Variants in AGBL2 observed in about 807,000 individuals in gnomAD.
AGBL2 encodes the protein cytosolic carboxypeptidase 2.
AGBL2 carries 87 observed loss-of-function variants against 103.0 expected under a neutral mutation model. The ratio of observed to expected loss-of-function variants is 0.84; its 90% CI spans 0.71 to 1.01. The LOEUF (loss-of-function observed/expected upper bound fraction) is 1.01. Ranked by LOEUF, AGBL2 falls within the 50% of genes least tolerant of loss-of-function variation. The pLI is 0.00. For missense variants in AGBL2, 904 were observed against 1,023.5 expected (o/e 0.88, Z 1.59); for synonymous variants, 335 against 356.7 (o/e 0.94, Z 0.69).
chr11:47,702,585 G>A (rs2097503187), intron 7 of AGBL2, among the ~76,000 whole-genome samples: 1 of 152,104 alleles, frequency 6.6e-6, no homozygotes, highest in African/African-American at 2.4e-5. Context: ...CAGAAAATGA[G>A]GAACATCCAG....
intron 18 of AGBL2, among the ~76,000 whole-genome samples, chr11:47,661,211 G>T (rs79656183): frequency 0.022 from 3,340 of 152,068 alleles, 40 homozygotes; most frequent in Middle Eastern, 0.034. Flanking sequence ...TAAAGGTTTG[G>T]ATAACATTCA....
At position 47,667,648 on chromosome 11, in the gene AGBL2, G is replaced by C; in HGVS notation, c.2263C>G (p.Gln755Glu). 2 of 1,613,334 alleles carry C rather than the reference G, an allele frequency of 1.2e-6. No individual in the cohort carries two copies. Among genetic ancestry groups the C allele is most frequent in the Non-Finnish European group, 1.7e-6 (2 of 1,179,778 alleles). The stretch of plus-strand genomic sequence containing the variant: ...TGCTCATTTCGCTGTTTCCTAGTCT[G>C]AAGTGACTTCTTTTTTTTCTTCTTA... ...MFKKKKKKSL[Q>E]TRKQRNEQYQ... The change falls in exon 16 of 19, where the codon CAG (glutamine) becomes GAG (glutamate). Residue 755 changes from glutamine (Q) to glutamate (E), a missense_variant. Gln to Glu is a conservative substitution (Grantham distance 29). Transcript: ENST00000525123.
At chr11:47,683,546 G>A (rs941959483) in intron 11 of AGBL2, among the ~76,000 whole-genome samples, 6 of 150,782 alleles carry the variant, frequency 4.0e-5, no homozygotes, top group African/African-American at 7.3e-5. Context: ...CGAGGTGGGT[G>A]GATCATGAGG....
At chr11:47,713,502 G>T (rs1189277502) in intron 3 of AGBL2, among the ~76,000 whole-genome samples, 1 of 150,806 alleles carries the variant, frequency 6.6e-6, no homozygotes, top group Non-Finnish European at 1.5e-5. Context: ...TCCAGCCTGG[G>T]CGACAGGGTG....
At chr11:47,692,404 CTTTTTTTT>C (rs11286504) in intron 8 of AGBL2, 148 bp from the exon 9 acceptor site, 33 of 99,088 alleles carry the variant, frequency 3.3e-4, no homozygotes, top group Middle Eastern at 5.7e-3. Flanking sequence ...GACTTTTAAT[CTTTTTTTT>C]TTTTTTTTTT....
intron 8 of AGBL2, among the ~76,000 whole-genome samples, chr11:47,698,170 T>TTA (rs1316508956): frequency 7.3e-6 from 1 of 136,512 alleles, no homozygotes; most frequent in African/African-American, 2.8e-5. Flanking sequence ...TCTACATAAT[T>TTA]TTTTTTTTTT....
chr11:47,669,692 A>G (rs201871791), intron 14 of AGBL2, among the ~76,000 whole-genome samples: 3 of 149,758 alleles, frequency 2.0e-5, no homozygotes, highest in East Asian at 3.9e-4. Flanking sequence ...AAAAAAAAAA[A>G]GAAAAATTTT....
chr11:47,668,225 A>G (rs1422257698), intron 15 of AGBL2, among the ~76,000 whole-genome samples: 1 of 150,256 alleles, frequency 6.7e-6, no homozygotes, highest in Non-Finnish European at 1.5e-5. Flanking sequence ...AAAAAAAAAA[A>G]AGGCCCAGTG....
At chr11:47,714,816 T>G in intron 1 of AGBL2, 66 bp from the exon 2 acceptor site, 2 of 682,616 alleles carry the variant, frequency 2.9e-6, no homozygotes, top group Non-Finnish European at 5.2e-6. Flanking sequence ...CCCAGCTCCC[T>G]CTTGACTTCA....
At chr11:47,691,669 C>T (rs1365378210) in intron 9 of AGBL2, among the ~76,000 whole-genome samples, 80 of 128,066 alleles carry the variant, frequency 6.2e-4, no homozygotes, top group Middle Eastern at 5.0e-3. Context: ...GATCATGTCA[C>T]TGCACTCCAG....
chr11:47,707,590 C>T (rs887356025), intron 4 of AGBL2, among the ~76,000 whole-genome samples: 12 of 152,108 alleles, frequency 7.9e-5, no homozygotes, highest in Non-Finnish European at 2.9e-5. Flanking sequence ...CAGGTCCCTC[C>T]CACAACACGT....
intron 10 of AGBL2, among the ~76,000 whole-genome samples, chr11:47,687,160 A>T (rs1025003105): frequency 2.6e-5 from 4 of 151,266 alleles, no homozygotes; most frequent in East Asian, 1.9e-4. Flanking sequence ...TAAATAATAA[A>T]AAAAAATAAA....
intron 10 of AGBL2, among the ~76,000 whole-genome samples, chr11:47,686,396 G>A (rs1431812501): frequency 1.3e-5 from 2 of 150,472 alleles, no homozygotes; most frequent in African/African-American, 4.9e-5. Flanking sequence ...AGCCTCCTAA[G>A]TAGTTGGGAC....
At chr11:47,672,370 A>G (rs1161400069) in intron 14 of AGBL2, among the ~76,000 whole-genome samples, 2 of 151,846 alleles carry the variant, frequency 1.3e-5, no homozygotes, top group Non-Finnish European at 2.9e-5. Flanking sequence ...GTTGGAGTGC[A>G]GTAGTGCAAT....
chr11:47,697,214 G>A (rs1053499833), intron 8 of AGBL2, among the ~76,000 whole-genome samples: 1 of 150,766 alleles, frequency 6.6e-6, no homozygotes, highest in Non-Finnish European at 1.5e-5. Flanking sequence ...CAGGTATGAG[G>A]CACCACATCC....
Position 47,686,178 on chromosome 11 carries a change from G to A in AGBL2, c.1632-129C>T, listed in dbSNP as rs116467740. ...CTCCTAAGAAAATCTCAACTCCATT[G>A]GCCTTCAATGGACCCTATCTCCATT... On this transcript the variant is annotated intron_variant, in intron 10 of 18. Transcript: ENST00000525123. The A allele has an allele frequency of 1.0e-3, 882 of 874,110 alleles. 6 individuals are homozygous for A. In the African/African-American group the frequency reaches 0.014, roughly 14 times the overall value. 54.1% of individuals were successfully genotyped at this position (874,110 alleles called of 1,614,324 possible).
At chr11:47,664,887 T>TA (rs1197103951) in intron 17 of AGBL2, among the ~76,000 whole-genome samples, 7 of 139,498 alleles carry the variant, frequency 5.0e-5, no homozygotes, top group East Asian at 4.5e-4. Context: ...TTTTTTTTTT[T>TA]TTTTTTTAAT....
intron 10 of AGBL2, among the ~76,000 whole-genome samples, chr11:47,688,532 T>C (rs1276951378): frequency 6.6e-6 from 1 of 152,098 alleles, no homozygotes; most frequent in African/African-American, 2.4e-5. Flanking sequence ...ATGTTCACTT[T>C]CCCCATGATG....
intron 17 of AGBL2, among the ~76,000 whole-genome samples, chr11:47,665,999 A>T (rs1359845059): frequency 6.6e-6 from 1 of 151,674 alleles, no homozygotes; most frequent in Non-Finnish European, 1.5e-5. Flanking sequence ...ACAGAATGAG[A>T]CTCTGTCTCA....
Sources: gnomAD v4.1 joint callset for allele counts (sites outside exome capture counted in the v4.1 genomes callset) on GRCh38, gnomAD v4.1.1 for gene constraint, MANE v1.5 for transcripts, NCBI Gene and HGNC (gene_info 2026-07-23, HGNC 2026-07-21) for gene names.